The following SEMA3A variants were observed in gnomAD, a reference collection of about 807,000 sequenced individuals.
SEMA3A encodes the protein semaphorin 3A.
In SEMA3A, 29 loss-of-function variants were observed where a neutral mutation model predicts 97.9. The ratio of observed to expected loss-of-function variants is 0.30; its 90% CI spans 0.22 to 0.40. The LOEUF is 0.40. Among genes scored for constraint, SEMA3A ranks in the 10% least tolerant of loss-of-function variants. The pLI is 1.00. For missense variants in SEMA3A, 763 were observed against 951.3 expected (o/e 0.80, Z 2.60); for synonymous variants, 321 against 323.7 (o/e 0.99, Z 0.09).
chr7:84,340,395 A>G (rs1465842508), intron 2 of SEMA3A, among the ~76,000 whole-genome samples: 2 of 152,172 alleles, frequency 1.3e-5, no homozygotes, highest in African/African-American at 4.8e-5. Context: ...ATTTATCTAG[A>G]TGGATATAGA....
At chr7:84,348,579 A>G (rs1333707294) in intron 2 of SEMA3A, among the ~76,000 whole-genome samples, 2 of 152,234 alleles carry the variant, frequency 1.3e-5, no homozygotes, top group Non-Finnish European at 2.9e-5. Context: ...TTCCAGTTAC[A>G]TGAATTTCAA....
At chr7:84,481,198 T>C (rs1036805272) in intron 1 of SEMA3A, among the ~76,000 whole-genome samples, 1 of 152,178 alleles carries the variant, frequency 6.6e-6, no homozygotes, top group East Asian at 1.9e-4. Context: ...GGGTTGACCA[T>C]TGAAAAGATA....
At chr7:84,051,176 T>C (rs1449200848) in intron 5 of SEMA3A, among the ~76,000 whole-genome samples, 3 of 148,702 alleles carry the variant, frequency 2.0e-5, no homozygotes, top group African/African-American at 4.9e-5. Flanking sequence ...TGGCTTAGGA[T>C]TGACTTTGCA....
intron 3 of SEMA3A, among the ~76,000 whole-genome samples, chr7:84,230,960 C>A (rs1318283546): frequency 6.6e-6 from 1 of 151,880 alleles, no homozygotes; most frequent in Non-Finnish European, 1.5e-5. Flanking sequence ...AGTTTACCCC[C>A]CAATCTTAAG....
At chr7:84,307,433 T>C (rs1801188430) in intron 2 of SEMA3A, 1 of 152,190 alleles carries the variant, frequency 6.6e-6, no homozygotes, top group Admixed American at 6.6e-5. Context: ...TAATGTAATG[T>C]ATGAAGGTAA....
At chr7:84,457,980 G>C (rs940061712) in intron 1 of SEMA3A, among the ~76,000 whole-genome samples, 17 of 151,986 alleles carry the variant, frequency 1.1e-4, no homozygotes, top group Non-Finnish European at 2.5e-4. Flanking sequence ...TAAGTGACCA[G>C]GGTCTAAGTA....
chr7:84,131,771 ATTATTTAT>A (rs139368318), intron 2 of SEMA3A, among the ~76,000 whole-genome samples: 47,307 of 148,844 alleles, frequency 0.32, 8,609 homozygotes, highest in African/African-American at 0.51. Flanking sequence ...GTATAAACAA[ATTATTTAT>A]TTATTTATTT....
At chr7:83,995,025 G>GT in intron 12 of SEMA3A, among the ~76,000 whole-genome samples, 1 of 152,224 alleles carries the variant, frequency 6.6e-6, no homozygotes, top group East Asian at 1.9e-4. Context: ...TTGGTGCGCC[G>GT]TTTTTTAAGC....
rs551439636 is a variant in SEMA3A at position 84,091,708 on chromosome 7, G to T, written c.453+18762C>A. 8.5e-5 allele frequency among the ~76,000 whole-genome samples: 13 copies of T among 152,190 alleles called. No individual in the cohort carries two copies. In the South Asian group the frequency reaches 1.7e-3, roughly 19 times the overall value. The stretch of plus-strand genomic sequence containing the variant: ...GGTTAGAGAAAACTGTTTTAATTTG[G>T]CTCCAATTTTTAGAGACTATCTTCA... On this transcript the variant is annotated intron_variant, in intron 4 of 16. Coordinates refer to ENST00000265362, the MANE Select transcript of SEMA3A (RefSeq NM_006080.3).
chr7:84,317,666 C>T (rs1336933037), intron 2 of SEMA3A, among the ~76,000 whole-genome samples: 2 of 152,120 alleles, frequency 1.3e-5, no homozygotes, highest in African/African-American at 4.8e-5. Flanking sequence ...ATTTCACATT[C>T]ACCATACTTG....
intron 2 of SEMA3A, among the ~76,000 whole-genome samples, chr7:84,359,733 C>T (rs1206305457): frequency 6.6e-6 from 1 of 152,118 alleles, no homozygotes; most frequent in Non-Finnish European, 1.5e-5. Flanking sequence ...CTCCTTGTAC[C>T]TCTGGTAGAA....
chr7:84,214,232 G>A (rs1798694272), intron 3 of SEMA3A, among the ~76,000 whole-genome samples: 1 of 152,008 alleles, frequency 6.6e-6, no homozygotes, highest in African/African-American at 2.4e-5. Flanking sequence ...CTAAGCCTGG[G>A]CAAATTAAGT....
chr7:84,322,699 A>G (rs113074547), intron 2 of SEMA3A, among the ~76,000 whole-genome samples: 4 of 152,318 alleles, frequency 2.6e-5, no homozygotes, highest in African/African-American at 9.6e-5. Flanking sequence ...ATAAATTATA[A>G]GTCTCAGGTG....
In SEMA3A at chr7:84,057,650, A is replaced by G. The variant is rs184396243; in HGVS notation, c.547+2815T>C. Among the ~76,000 whole-genome samples, 189 of 152,110 alleles carry G rather than the reference A, an allele frequency of 1.2e-3. 1 individual carries two copies. In the East Asian group the frequency reaches 0.016, roughly 13 times the overall value. On this transcript the variant is annotated intron_variant, in intron 5 of 16. Coordinates refer to ENST00000265362, the MANE Select transcript of SEMA3A (RefSeq NM_006080.3). The stretch of plus-strand genomic sequence containing the variant: ...CCTGGTGGCACATGCCTGTAGTCTA[A>G]GCTACTCAGGAGGCTGAGGTAGGAG...
intron 1 of SEMA3A, among the ~76,000 whole-genome samples, chr7:84,387,101 C>T (rs1374026584): frequency 2.0e-5 from 3 of 152,044 alleles, no homozygotes; most frequent in Non-Finnish European, 4.4e-5. Context: ...GTATAAACTA[C>T]CAGACATCTA....
intron 6 of SEMA3A, among the ~76,000 whole-genome samples, chr7:84,031,389 G>A (rs940884524): frequency 3.9e-5 from 6 of 151,988 alleles, no homozygotes; most frequent in African/African-American, 1.5e-4. Context: ...GCTTCTTAAA[G>A]GTTTCATATA....
At chr7:83,999,261 G>C (rs904387569) in intron 12 of SEMA3A, among the ~76,000 whole-genome samples, 1 of 151,862 alleles carries the variant, frequency 6.6e-6, no homozygotes, top group East Asian at 1.9e-4. Context: ...TTATTTAGTA[G>C]GTCAGTTTAA....
intron 4 of SEMA3A, among the ~76,000 whole-genome samples, chr7:84,062,330 CAT>C (rs1247227554): frequency 1.3e-5 from 2 of 152,094 alleles, no homozygotes; most frequent in African/African-American, 2.4e-5. Context: ...TATGAAAAGA[CAT>C]ATTCTATTCA....
In SEMA3A at chr7:84,011,102, A is replaced by G. The variant is rs1214580931; in HGVS notation, c.926-11T>C. ...TTAGGAATACATCCTCTGTTTAAAA[A>G]CAAAATTGGAGAAAGTTGCTTTTTT... On this transcript the variant is annotated splice_polypyrimidine_tract_variant and intron_variant, in intron 8 of 16. Transcript: ENST00000265362. 4 of 1,610,362 alleles carry G rather than the reference A, an allele frequency of 2.5e-6. No individual in the cohort carries two copies. Among genetic ancestry groups the G allele is most frequent in the East Asian group, 2.2e-5 (1 of 44,836 alleles).
Sources: gnomAD v4.1 joint callset for allele counts (sites outside exome capture counted in the v4.1 genomes callset) on GRCh38, gnomAD v4.1.1 for gene constraint, MANE v1.5 for transcripts, NCBI Gene and HGNC (gene_info 2026-07-23, HGNC 2026-07-21) for gene names.